The following DTNA variants were observed in gnomAD, a reference collection of about 807,000 sequenced individuals.
DTNA encodes dystrophin-related protein 3.
A neutral mutation model predicts 100.7 loss-of-function variants in DTNA; 43 were observed. The ratio of observed to expected loss-of-function variants is 0.43; its 90% CI spans 0.33 to 0.55. The LOEUF is 0.55. Ranked by LOEUF, DTNA falls within the 20% of genes least tolerant of loss-of-function variation. The pLI is 0.04. For missense variants in DTNA, 798 were observed against 953.9 expected (o/e 0.84, Z 2.15); for synonymous variants, 349 against 347.9 (o/e 1.00, Z -0.04).
At chr18:34,665,545 G>A (rs192407632) in intron 1 of DTNA, among the ~76,000 whole-genome samples, 1,686 of 152,078 alleles carry the variant, frequency 0.011, 19 homozygotes, top group African/African-American at 0.038. Context: ...TTAACATTAG[G>A]TATATCTCCT....
chr18:34,610,920 A>G, intron 1 of DTNA, among the ~76,000 whole-genome samples: 1 of 152,238 alleles, frequency 6.6e-6, no homozygotes, highest in Non-Finnish European at 1.5e-5. Context: ...TGTTAATTAC[A>G]TAGGGAAAGG....
At chr18:34,503,453 A>G (rs1044714150) in intron 1 of DTNA, among the ~76,000 whole-genome samples, 39 of 151,472 alleles carry the variant, frequency 2.6e-4, no homozygotes, top group African/African-American at 8.7e-4. Context: ...ACACCTGGCT[A>G]ATTTTTTGTA....
In DTNA at chr18:34,879,650, C is replaced by A. The variant is rs747872788; in HGVS notation, c.2093C>A (p.Ala698Glu). Residue 698 changes from alanine (A) to glutamate (E), a missense_variant, in exon 20 of 23, where the codon GCG (alanine) becomes GAG (glutamate). This residue lies in a region of DTNA where 242 missense variants were observed against 238.2 expected (regional missense o/e 1.02). Coordinates refer to ENST00000444659, the MANE Select transcript of DTNA (RefSeq NM_001386795.1). ...PSPTSEKAFLAQIHARKPGYI... is the reference protein window; with the variant it reads ...PSPTSEKAFLEQIHARKPGYI... The stretch of plus-strand genomic sequence containing the variant: ...CCAACCTCTGAAAAGGCTTTTCTAG[C>A]GCAAATCCATGCCCGAAAACCTGGG... 5 of 1,613,946 alleles carry A rather than the reference C, an allele frequency of 3.1e-6. No individual in the cohort carries two copies. Among genetic ancestry groups the A allele is most frequent in the East Asian group, 2.2e-5 (1 of 44,886 alleles).
intron 1 of DTNA, among the ~76,000 whole-genome samples, chr18:34,577,931 G>GTT (rs35293190): frequency 5.9e-4 from 83 of 139,522 alleles, no homozygotes; most frequent in South Asian, 3.7e-3. Flanking sequence ...ACATGTGCAA[G>GTT]TTTTTTTTTT....
chr18:34,860,995 T>C (rs546173390), intron 16 of DTNA, among the ~76,000 whole-genome samples: 5 of 152,182 alleles, frequency 3.3e-5, no homozygotes, highest in Non-Finnish European at 7.3e-5. Flanking sequence ...TTATATATGA[T>C]TTATAAGGAG....
At chr18:34,806,179 T>A in intron 4 of DTNA, 40 bp from the exon 5 acceptor site, 1 of 1,559,250 alleles carries the variant, frequency 6.4e-7, no homozygotes, top group African/African-American at 1.4e-5. Context: ...TGGTTTTGTT[T>A]TGTTTTTGTT....
chr18:34,793,908 A>T, intron 3 of DTNA, 129 bp from the exon 4 acceptor site: 1 of 896,220 alleles, frequency 1.1e-6, no homozygotes, highest in Middle Eastern at 2.2e-4. Flanking sequence ...TCATTTACTT[A>T]TGTTGACCCC....
chr18:34,513,198 A>G (rs1468331117), intron 1 of DTNA, among the ~76,000 whole-genome samples: 1 of 152,074 alleles, frequency 6.6e-6, no homozygotes, highest in Non-Finnish European at 1.5e-5. Flanking sequence ...TTGTTATGCT[A>G]ATTTCCATGT....
intron 17 of DTNA, among the ~76,000 whole-genome samples, chr18:34,864,375 C>A (rs886643446): frequency 3.3e-5 from 5 of 151,940 alleles, no homozygotes; most frequent in African/African-American, 1.2e-4. Flanking sequence ...CTCAGCCCCC[C>A]GCCGAGTAGC....
intron 1 of DTNA, among the ~76,000 whole-genome samples, chr18:34,500,480 T>C (rs1444346673): frequency 6.6e-6 from 1 of 150,854 alleles, no homozygotes; most frequent in Non-Finnish European, 1.5e-5. Flanking sequence ...TTTGTTTGTT[T>C]TGAGACTGAG....
chr18:34,884,761 A>G lies in DTNA; in HGVS notation c.*16A>G. The G allele has an allele frequency of 1.2e-6, 2 of 1,614,098 alleles. No individual in the cohort carries two copies. The highest frequency in any genetic ancestry group is 8.5e-7 in the Non-Finnish European group (1 of 1,179,962). On this transcript the variant is annotated 3_prime_UTR_variant, in exon 22 of 23. Transcript: ENST00000444659. ...GCAAGGTTGAATGCAATATCCTTTT[A>G]TCACACTCCTCTCAAGTAAGTACCA...
chr18:34,658,161 A>C (rs2144355146), intron 1 of DTNA, among the ~76,000 whole-genome samples: 1 of 152,328 alleles, frequency 6.6e-6, no homozygotes, highest in South Asian at 2.1e-4. Flanking sequence ...GAGAGTATGC[A>C]GCAGGATATA....
chr18:34,544,276 A>G (rs1392575392), intron 1 of DTNA, among the ~76,000 whole-genome samples: 1 of 152,084 alleles, frequency 6.6e-6, no homozygotes, highest in African/African-American at 2.4e-5. Flanking sequence ...ATCACACTAT[A>G]GTGTTATATA....
intron 10 of DTNA, among the ~76,000 whole-genome samples, chr18:34,828,723 A>G (rs1475500937): frequency 1.3e-5 from 2 of 152,206 alleles, no homozygotes; most frequent in Non-Finnish European, 2.9e-5. Context: ...TCTGATGTAT[A>G]AACGAGGTCT....
At chr18:34,805,431 T>C (rs1241847461) in intron 4 of DTNA, among the ~76,000 whole-genome samples, 1 of 152,106 alleles carries the variant, frequency 6.6e-6, no homozygotes, top group African/African-American at 2.4e-5. Flanking sequence ...TTCAAGCGAT[T>C]CTTATGTCTC....
intron 17 of DTNA, chr18:34,866,711 G>T: frequency 1.0e-6 from 1 of 996,230 alleles, no homozygotes; most frequent in Non-Finnish European, 1.2e-6. Flanking sequence ...GTGAGAGAAA[G>T]ACTGTACTCC....
intron 3 of DTNA, among the ~76,000 whole-genome samples, chr18:34,784,866 A>G (rs74411161): frequency 0.11 from 16,635 of 151,904 alleles, 1,035 homozygotes; most frequent in South Asian, 0.15. Flanking sequence ...GCATATGGCA[A>G]TCTTTCTCCA....
intron 5 of DTNA, among the ~76,000 whole-genome samples, chr18:34,811,463 G>A (rs984559998): frequency 6.6e-5 from 8 of 120,612 alleles, no homozygotes; most frequent in East Asian, 5.8e-4. Context: ...TATCCTCACC[G>A]TGTCTTTGAT....
intron 1 of DTNA, among the ~76,000 whole-genome samples, chr18:34,722,348 G>C (rs1448248434): frequency 1.3e-5 from 2 of 152,060 alleles, no homozygotes; most frequent in African/African-American, 4.8e-5. Context: ...ATCAATATAT[G>C]CTAGACAAGG....
Sources: gnomAD v4.1 joint callset for allele counts (sites outside exome capture counted in the v4.1 genomes callset) on GRCh38, gnomAD v4.1.1 for gene constraint, gnomAD v4.1.1 regional missense constraint, MANE v1.5 for transcripts, NCBI Gene and HGNC (gene_info 2026-07-23, HGNC 2026-07-21) for gene names.